Variants in CAMTA1 observed in about 807,000 individuals in gnomAD.
CAMTA1 encodes calmodulin-binding transcription activator 1.
A neutral mutation model predicts 170.9 loss-of-function variants in CAMTA1; 27 were observed. That is an observed-to-expected ratio of 0.16 (90% CI 0.12 to 0.22). The LOEUF (loss-of-function observed/expected upper bound fraction) is 0.22, where lower values mean the gene tolerates loss of function less well. Among genes scored for constraint, CAMTA1 ranks in the 10% least tolerant of loss-of-function variants. The pLI is 1.00. For missense variants in CAMTA1, 1,619 were observed against 2,217.2 expected, an observed-to-expected ratio of 0.73 and a Z score of 5.42; for synonymous variants, 833 against 891.5, an observed-to-expected ratio of 0.93 and a Z score of 1.17.
intron 7 of CAMTA1, among the ~76,000 whole-genome samples, chr1:7,643,585 G>A (rs2095782670): frequency 6.6e-6 from 1 of 152,200 alleles, no homozygotes; most frequent in Non-Finnish European, 1.5e-5. Flanking sequence ...GAACTCCAGG[G>A]GGTGGAAACC....
At chr1:7,192,470 A>G (rs1573788381) in intron 4 of CAMTA1, among the ~76,000 whole-genome samples, 1 of 152,226 alleles carries the variant, frequency 6.6e-6, no homozygotes, top group East Asian at 1.9e-4. Flanking sequence ...AGTGGTGGAA[A>G]TCCCGTCATT....
intron 4 of CAMTA1, among the ~76,000 whole-genome samples, chr1:7,103,195 T>C (rs1642946093): frequency 2.0e-5 from 3 of 152,002 alleles, no homozygotes; most frequent in Admixed American, 2.0e-4. Context: ...CACCCTTGCC[T>C]GGTTGCCCTA....
intron 5 of CAMTA1, among the ~76,000 whole-genome samples, chr1:7,271,643 TA>T (rs145820906): frequency 0.11 from 15,869 of 148,850 alleles, 1,432 homozygotes; most frequent in African/African-American, 0.24. Flanking sequence ...GAAAAGAGCT[TA>T]AAAAAAAGAT....
intron 11 of CAMTA1, among the ~76,000 whole-genome samples, chr1:7,684,015 C>T (rs372615696): frequency 2.4e-4 from 37 of 152,322 alleles, no homozygotes; most frequent in Non-Finnish European, 5.0e-4. Flanking sequence ...GCAGCTGGAG[C>T]CACACCAAGC....
chr1:7,752,329 A>G (rs1442259183), intron 20 of CAMTA1, 130 bp from the exon 21 acceptor site: 7 of 755,640 alleles, frequency 9.3e-6, no homozygotes, highest in South Asian at 6.1e-5. Context: ...GATTGTATAC[A>G]TCTTTAACAT....
chr1:7,051,572 C>T (rs1182709356), intron 3 of CAMTA1, among the ~76,000 whole-genome samples: 3 of 151,704 alleles, frequency 2.0e-5, no homozygotes, highest in Non-Finnish European at 4.4e-5. Context: ...GCTTCAGGTG[C>T]CCCCAGCCTG....
At chr1:7,708,246 G>A (rs1409976345) in intron 11 of CAMTA1, among the ~76,000 whole-genome samples, 5 of 152,170 alleles carry the variant, frequency 3.3e-5, no homozygotes, top group Non-Finnish European at 7.3e-5. Context: ...TGGGAGGATC[G>A]CCTGAGCCTG....
At chr1:6,914,492 GAGAT>G (rs1680375631) in intron 3 of CAMTA1, among the ~76,000 whole-genome samples, 1 of 152,210 alleles carries the variant, frequency 6.6e-6, no homozygotes, top group African/African-American at 2.4e-5. Context: ...TATGTACTCT[GAGAT>G]GAGGCGGATT....
chr1:6,872,379 AT>A (rs1668659229), intron 3 of CAMTA1, among the ~76,000 whole-genome samples: 1 of 152,184 alleles, frequency 6.6e-6, no homozygotes, highest in African/African-American at 2.4e-5. Context: ...ATTCTGAAGT[AT>A]TTTGGGGAGA....
rs2096773587 is a variant in CAMTA1 at position 7,736,525 on chromosome 1, C to A, written c.3248C>A (p.Thr1083Asn). The A allele has an allele frequency of 6.2e-7, 1 of 1,614,070 alleles. No individual in the cohort carries two copies. The highest frequency in any genetic ancestry group is 1.7e-5 in the Admixed American group (1 of 60,006). The change falls in exon 13 of 23, where the codon ACC becomes AAC. Residue 1083 changes from threonine (T) to asparagine (N), a missense_variant. By Grantham distance (65) the Thr-to-Asn change is moderately conservative. Transcript: ENST00000303635. The surrounding 1 kb of genome is among the most constrained non-coding windows in gnomAD (Gnocchi z 4.5). The stretch of plus-strand genomic sequence containing the variant: ...CAGGGCTATGCCACCCTAATCCAGA[C>A]CCTCATCAAATGGCGGTAAGGCTGT... The part of the protein sequence containing the change: ...AAQGYATLIQ[T>N]LIKWRTKHAD...
chr1:6,998,807 A>G (rs1697731958), intron 3 of CAMTA1, among the ~76,000 whole-genome samples: 1 of 152,212 alleles, frequency 6.6e-6, no homozygotes. Flanking sequence ...TTCTTTTCAT[A>G]AAGCTACCTT....
chr1:7,408,807 G>C (rs1210450756), intron 5 of CAMTA1, among the ~76,000 whole-genome samples: 1 of 152,216 alleles, frequency 6.6e-6, no homozygotes, highest in Non-Finnish European at 1.5e-5. Context: ...TGAATTGGCA[G>C]GTGGGGAAAC....
At chr1:6,888,089 T>C in intron 3 of CAMTA1, 2 of 1,017,678 alleles carry the variant, frequency 2.0e-6, no homozygotes, top group African/African-American at 1.7e-5. Context: ...ACCACCTGTC[T>C]CATCAGAATG....
chr1:7,083,777 C>T (rs1450323601), intron 3 of CAMTA1, among the ~76,000 whole-genome samples: 1 of 152,190 alleles, frequency 6.6e-6, no homozygotes, highest in Non-Finnish European at 1.5e-5. Context: ...ATGACATTCA[C>T]ACATCCCTAA....
chr1:7,466,044 A>G (rs1490644113), intron 5 of CAMTA1, among the ~76,000 whole-genome samples: 1 of 152,210 alleles, frequency 6.6e-6, no homozygotes. Flanking sequence ...GGCTCATCAC[A>G]TGAGTCAAAG....
chr1:7,041,705 C>A lies in CAMTA1; in HGVS notation c.235-49599C>A, dbSNP rs532728294. The stretch of plus-strand genomic sequence containing the variant: ...GCAGAAAGGTTTGCTGACGTCTCCT[C>A]GTAGATAAAGGAAAATTGAGACGAT... On this transcript the variant is annotated intron_variant, in intron 3 of 22. Transcript: ENST00000303635. This position sits in a 1 kb window ranked among gnomAD's most constrained non-coding sequence, Gnocchi z 5.1. Among the ~76,000 whole-genome samples the A allele has an allele frequency of 1.2e-4, 19 of 152,306 alleles. No homozygotes were observed. Among genetic ancestry groups the A allele is most frequent in the African/African-American group, 4.3e-4 (18 of 41,572 alleles).
chr1:7,446,111 G>T (rs941737432), intron 5 of CAMTA1, among the ~76,000 whole-genome samples: 1 of 151,494 alleles, frequency 6.6e-6, no homozygotes, highest in Admixed American at 6.6e-5. Context: ...CCTTGCTGTC[G>T]GCAAGAGTTA....
intron 3 of CAMTA1, among the ~76,000 whole-genome samples, chr1:6,944,078 TGA>T (rs1446432976): frequency 6.6e-6 from 1 of 152,154 alleles, no homozygotes; most frequent in Non-Finnish European, 1.5e-5. Flanking sequence ...TTTGTCTCTG[TGA>T]GTCTGACTCC....
intron 6 of CAMTA1, among the ~76,000 whole-genome samples, chr1:7,544,701 C>A (rs1180823452): frequency 6.6e-6 from 1 of 152,196 alleles, no homozygotes; most frequent in Non-Finnish European, 1.5e-5. Flanking sequence ...AGGATTCTGG[C>A]AGCTGGAAGG....
Sources: gnomAD v4.1 joint callset for allele counts (sites outside exome capture counted in the v4.1 genomes callset) on GRCh38, gnomAD v4.1.1 for gene constraint, Gnocchi (gnomAD v3.1) non-coding constraint, MANE v1.5 for transcripts, NCBI Gene and HGNC (gene_info 2026-07-23, HGNC 2026-07-21) for gene names.